The following EYS variants were observed in gnomAD, a reference collection of about 807,000 sequenced individuals.
The protein encoded by EYS is protein eyes shut homolog.
Under a neutral mutation model 282.1 loss-of-function variants are expected in EYS, and 250 were observed. The observed-to-expected ratio is 0.89, with a 90% confidence interval of 0.80 to 0.98. EYS has a LOEUF of 0.98. EYS is among the 50% of genes least tolerant of loss of function. EYS has a pLI of 0.00. For missense variants in EYS, 4,016 were observed against 3,709.0 expected (o/e 1.08, Z -2.15); for synonymous variants, 1,355 against 1,282.9 (o/e 1.06, Z -1.20).
At chr6:64,431,501 G>A (rs77387946) in intron 28 of EYS, among the ~76,000 whole-genome samples, 7,424 of 152,190 alleles carry the variant, frequency 0.049, 285 homozygotes, top group Non-Finnish European at 0.078. Context: ...GAGGACCAGC[G>A]CAGAAAGAAA....
At chr6:64,453,621 T>C (rs1367154870) in intron 26 of EYS, among the ~76,000 whole-genome samples, 5 of 152,086 alleles carry the variant, frequency 3.3e-5, no homozygotes, top group African/African-American at 1.2e-4. Context: ...TGTCCAACAA[T>C]GATAGACTGG....
rs562621979 is a variant in EYS, at chr6:64,389,215, C to T, written c.5928-375G>A. Among the ~76,000 whole-genome samples the T allele has an allele frequency of 2.0e-5, 3 of 152,200 alleles. No homozygotes were observed. The South Asian group carries it at 6.2e-4, about 32-fold the overall frequency. ...AGAATCAAATTTCAATGCAGTCATACAGTGTACAATATATACTTAGGTGGA... is the reference window on the plus strand; with the variant it reads ...AGAATCAAATTTCAATGCAGTCATATAGTGTACAATATATACTTAGGTGGA... On this transcript the variant is annotated intron_variant, in intron 28 of 42. Transcript: ENST00000503581.
intron 29 of EYS, among the ~76,000 whole-genome samples, chr6:64,375,368 A>G (rs1772528338): frequency 2.0e-5 from 3 of 152,230 alleles, no homozygotes; most frequent in Non-Finnish European, 4.4e-5. Context: ...GTCATATGTT[A>G]GCCTCAAAAT....
chr6:63,806,155 GC>G, intron 37 of EYS, 34 bp downstream of exon 37: 1 of 1,508,348 alleles, frequency 6.6e-7, no homozygotes, highest in Non-Finnish European at 9.0e-7. Context: ...TCTTAAAGGA[GC>G]GAGGCAAGTC....
At chr6:65,327,091 A>C (rs1769643169) in intron 11 of EYS, among the ~76,000 whole-genome samples, 1 of 151,814 alleles carries the variant, frequency 6.6e-6, no homozygotes, top group East Asian at 1.9e-4. Context: ...GGCATTATTG[A>C]TTGTAATGCA....
At chr6:64,283,691 G>T (rs143604295) in intron 30 of EYS, among the ~76,000 whole-genome samples, 2 of 152,112 alleles carry the variant, frequency 1.3e-5, no homozygotes, top group African/African-American at 4.8e-5. Flanking sequence ...TGCTGATAAA[G>T]ACATATCTGA....
chr6:64,029,801 C>T (rs1769731121), intron 33 of EYS, among the ~76,000 whole-genome samples: 1 of 152,198 alleles, frequency 6.6e-6, no homozygotes, highest in South Asian at 2.1e-4. Flanking sequence ...TGGCACTTAC[C>T]CGAGCCTTAG....
Position 65,214,084 on chromosome 6 carries a change from G to A in EYS, c.2023+81779C>T, listed in dbSNP as rs1158212832. On this transcript the variant is annotated intron_variant, in intron 12 of 42. Coordinates refer to ENST00000503581, the MANE Select transcript of EYS (RefSeq NM_001142800.2). ...TGAGGCAGGAGAATGGTGTGGACCC[G>A]GGAGGTGGAGCTTGCAGTGAGCCGA... 1.0e-4 allele frequency among the ~76,000 whole-genome samples: 15 copies of A among 149,068 alleles called. No individual in the cohort carries two copies. The East Asian group carries it at 2.4e-3, about 24-fold the overall frequency.
At chr6:64,738,435 C>T (rs146528173) in intron 22 of EYS, among the ~76,000 whole-genome samples, 112 of 152,264 alleles carry the variant, frequency 7.4e-4, no homozygotes, top group Middle Eastern at 6.8e-3. Flanking sequence ...TGGTGCCATG[C>T]TTGTACAAGG....
At chr6:64,759,338 C>G (rs1247857077) in intron 22 of EYS, among the ~76,000 whole-genome samples, 6 of 152,110 alleles carry the variant, frequency 3.9e-5, no homozygotes, top group Admixed American at 3.3e-4. Context: ...CACCACTTCT[C>G]TTAGTCTATT....
chr6:65,621,580 A>G (rs1438691854), intron 2 of EYS, among the ~76,000 whole-genome samples: 1 of 149,814 alleles, frequency 6.7e-6, no homozygotes, highest in Non-Finnish European at 1.5e-5. Context: ...TTATGTGTGA[A>G]TTTGATCCTG....
intron 19 of EYS, among the ~76,000 whole-genome samples, chr6:64,864,382 C>CTTTTTTTTTTTTTTTTTTTTTTTTTTTT: frequency 5.0e-5 from 2 of 40,082 alleles, no homozygotes; most frequent in African/African-American, 7.4e-5. Flanking sequence ...GGTGCTATAC[C>CTTTTTTTTTTTTTTTTTTTTTTTTTTTT]TTCTTTTTTT....
intron 11 of EYS, among the ~76,000 whole-genome samples, chr6:65,305,211 C>T (rs1209803713): frequency 6.6e-6 from 1 of 151,792 alleles, no homozygotes; most frequent in Admixed American, 6.6e-5. Flanking sequence ...ACCCTTCTCT[C>T]CACAAAAAAG....
At chr6:65,001,857 G>C (rs1475905517) in intron 13 of EYS, among the ~76,000 whole-genome samples, 1 of 145,070 alleles carries the variant, frequency 6.9e-6, no homozygotes, top group Non-Finnish European at 1.5e-5. Context: ...CCTTAGATGG[G>C]GTCCAAAATA....
intron 31 of EYS, among the ~76,000 whole-genome samples, chr6:64,106,236 T>G (rs1403421014): frequency 2.0e-5 from 3 of 152,070 alleles, no homozygotes; most frequent in Non-Finnish European, 4.4e-5. Flanking sequence ...TTAAAAAAAC[T>G]TTTTTAGTGG....
chr6:65,005,386 A>G (rs913154970), intron 13 of EYS, among the ~76,000 whole-genome samples: 2 of 147,540 alleles, frequency 1.4e-5, no homozygotes, highest in African/African-American at 4.9e-5. Flanking sequence ...CATTCCTCGG[A>G]ATCCGTGAGG....
chr6:64,516,513 A>G (rs1777564203), intron 26 of EYS, among the ~76,000 whole-genome samples: 1 of 151,842 alleles, frequency 6.6e-6, no homozygotes, highest in African/African-American at 2.4e-5. Flanking sequence ...TGAGCTGTCT[A>G]CCTACAAACA....
chr6:64,783,964 T>C (rs1387058252), intron 22 of EYS, among the ~76,000 whole-genome samples: 1 of 152,128 alleles, frequency 6.6e-6, no homozygotes, highest in Non-Finnish European at 1.5e-5. Flanking sequence ...AATCAAAATA[T>C]TACTTTTAAA....
chr6:64,878,014 C>A (rs1378893086), intron 19 of EYS, among the ~76,000 whole-genome samples: 2 of 152,126 alleles, frequency 1.3e-5, no homozygotes, highest in Non-Finnish European at 2.9e-5. Context: ...AGGCAGATGA[C>A]TTGAGGTCAG....
Sources: allele counts gnomAD v4.1 joint callset (sites outside exome capture counted in the v4.1 genomes callset), GRCh38; gene constraint gnomAD v4.1.1; transcripts MANE v1.5; gene names NCBI Gene and HGNC (gene_info 2026-07-23, HGNC 2026-07-21).